Variants in PRKCH observed in about 807,000 individuals in gnomAD.
The protein encoded by PRKCH is protein kinase C eta.
Under a neutral mutation model 82.5 loss-of-function variants are expected in PRKCH, and 28 were observed. The observed-to-expected ratio is 0.34, with a 90% confidence interval of 0.25 to 0.47. PRKCH has a LOEUF of 0.47. Ranked by LOEUF, PRKCH falls within the 20% of genes least tolerant of loss-of-function variation. PRKCH has a pLI of 1.00. For synonymous variants in PRKCH, 322 were observed against 327.4 expected (o/e 0.98, Z 0.18); for missense variants, 705 against 881.8 (o/e 0.80, Z 2.54).
upstream of PRKCH, among the ~76,000 whole-genome samples, chr14:61,318,100 A>G (rs1330057762): frequency 6.6e-6 from 1 of 150,984 alleles, no homozygotes; most frequent in African/African-American, 2.4e-5. Flanking sequence ...TTGAGACAGG[A>G]TCTCACTCTG....
At chr14:61,199,977 T>C (rs2044468009) in intron 1 of PRKCH, among the ~76,000 whole-genome samples, 2 of 152,212 alleles carry the variant, frequency 1.3e-5, no homozygotes, top group Admixed American at 1.3e-4. Flanking sequence ...ACAGAAATAT[T>C]CCTTCCTCTT....
intron 2 of PRKCH, among the ~76,000 whole-genome samples, chr14:61,437,532 C>T (rs1361248143): frequency 2.6e-5 from 4 of 152,186 alleles, no homozygotes; most frequent in Admixed American, 6.5e-5. Context: ...CAATAGTCAA[C>T]GGAGTCTGGT....
chr14:61,265,109 T>C (rs1269210221), intron 1 of PRKCH, among the ~76,000 whole-genome samples: 2 of 152,160 alleles, frequency 1.3e-5, no homozygotes, highest in Non-Finnish European at 2.9e-5. Context: ...CATAACCTTT[T>C]TCAAATTCTC....
chr14:61,247,744 A>AAT (rs1362216928), intron 1 of PRKCH, among the ~76,000 whole-genome samples: 2 of 150,168 alleles, frequency 1.3e-5, no homozygotes. Context: ...TCAAAAAAAA[A>AAT]AAAAAAAAAA....
chr14:61,292,402 A>T (rs1426395200), intron 1 of PRKCH, among the ~76,000 whole-genome samples: 1 of 152,068 alleles, frequency 6.6e-6, no homozygotes, highest in Non-Finnish European at 1.5e-5. Flanking sequence ...GGATTGCTTG[A>T]GCCCAGGAAG....
At chr14:61,439,793 G>A (rs1436490300) in intron 2 of PRKCH, among the ~76,000 whole-genome samples, 1 of 152,188 alleles carries the variant, frequency 6.6e-6, no homozygotes, top group Non-Finnish European at 1.5e-5. Context: ...TTAGGAAGGT[G>A]AAAAGGCAGG....
chr14:61,387,063 G>C (rs569277432), intron 1 of PRKCH, among the ~76,000 whole-genome samples: 1 of 152,334 alleles, frequency 6.6e-6, no homozygotes, highest in African/African-American at 2.4e-5. Context: ...TCAGTGGGGG[G>C]ACAACACAGG....
At chr14:61,210,449 A>G (rs2044565710) in intron 1 of PRKCH, among the ~76,000 whole-genome samples, 1 of 152,050 alleles carries the variant, frequency 6.6e-6, no homozygotes, top group Admixed American at 6.5e-5. Context: ...CCTTTCCCCA[A>G]CTTTACCTGA....
At chr14:61,413,319 A>C (rs1327749501) in intron 2 of PRKCH, among the ~76,000 whole-genome samples, 1 of 144,384 alleles carries the variant, frequency 6.9e-6, no homozygotes, top group Non-Finnish European at 1.5e-5. Context: ...CTTGGCCTCT[A>C]TTCTGAGTGG....
Position 61,506,047 on chromosome 14 carries a change from T to C in PRKCH, c.1433+20391T>C, listed in dbSNP as rs552926185. 1.2e-3 allele frequency among the ~76,000 whole-genome samples: 182 copies of C among 152,220 alleles called. 1 individual carries two copies. The highest frequency in any genetic ancestry group is 0.012 in the Admixed American group (180 of 15,296). On this transcript the variant is annotated intron_variant, in intron 10 of 13. Coordinates refer to ENST00000332981, the MANE Select transcript of PRKCH (RefSeq NM_006255.5). ...TTTTTCCAGAGTCCCCAAGGTATACTTTAGTTCCACATCAATGCCTACCAG... is the reference window on the plus strand; with the variant it reads ...TTTTTCCAGAGTCCCCAAGGTATACCTTAGTTCCACATCAATGCCTACCAG...
intron 1 of PRKCH, among the ~76,000 whole-genome samples, chr14:61,209,236 T>C (rs1236702306): frequency 1.3e-5 from 2 of 151,916 alleles, no homozygotes; most frequent in Non-Finnish European, 2.9e-5. Context: ...AATGAATTTT[T>C]TTTCTTTATA....
chr14:61,383,301 A>G lies in PRKCH; in HGVS notation c.364-7924A>G, dbSNP rs555218157. Among the ~76,000 whole-genome samples the G allele has an allele frequency of 1.7e-3, 257 of 152,204 alleles. 6 individuals are homozygous for G. The highest frequency in any genetic ancestry group is 0.01 in the Middle Eastern group (3 of 294). ...GAAATTGAGGTGGTCAGATGACCTT[A>G]TTTAGCTCTTAGATCAACTCAGCAG... is the stretch of plus-strand genomic sequence containing the variant. On this transcript the variant is annotated intron_variant, in intron 1 of 13. Coordinates refer to ENST00000332981, the MANE Select transcript of PRKCH (RefSeq NM_006255.5).
Position 61,280,881 on chromosome 14 carries a change from C to T in PRKCH, c.-19+93213C>T. The T allele has an allele frequency of 6.4e-7, 1 of 1,553,642 alleles. No homozygotes were observed. The highest frequency in any genetic ancestry group is 8.6e-7 in the Non-Finnish European group (1 of 1,156,948). ...AGTACCAGGCGCACGAGCAGGGGGG[C>T]GGCAGCGCCCGGCCCTGGCCAGCCG... On this transcript the variant is annotated intron_variant, in intron 1 of 3. Coordinates refer to the PRKCH transcript ENST00000555185. The surrounding 1 kb of genome is among the most constrained non-coding windows in gnomAD (Gnocchi z 5.0).
intron 1 of PRKCH, among the ~76,000 whole-genome samples, chr14:61,349,322 A>G (rs2046039977): frequency 6.6e-6 from 1 of 152,144 alleles, no homozygotes; most frequent in Admixed American, 6.5e-5. Flanking sequence ...CCAATCCTTA[A>G]CATTTGTTAT....
intron 1 of PRKCH, among the ~76,000 whole-genome samples, chr14:61,243,363 G>A (rs1409815656): frequency 2.9e-5 from 4 of 135,994 alleles, no homozygotes; most frequent in Admixed American, 7.8e-5. Context: ...GAGCCTGGGC[G>A]ACAGAGAAAG....
At chr14:61,420,592 ACT>A (rs750044314) in intron 2 of PRKCH, among the ~76,000 whole-genome samples, 41 of 151,734 alleles carry the variant, frequency 2.7e-4, no homozygotes, top group Non-Finnish European at 4.7e-4. Flanking sequence ...TAGCTAAAGG[ACT>A]CTCTCTGTGT....
intron 10 of PRKCH, among the ~76,000 whole-genome samples, chr14:61,493,252 G>A (rs1365511937): frequency 6.6e-6 from 1 of 152,220 alleles, no homozygotes; most frequent in Non-Finnish European, 1.5e-5. Context: ...CGCCATGGAA[G>A]CTCCGTGGAG....
At chr14:61,428,076 T>TATATACAC (rs377250538) in intron 2 of PRKCH, among the ~76,000 whole-genome samples, 1 of 126,206 alleles carries the variant, frequency 7.9e-6, no homozygotes, top group Admixed American at 8.0e-5. Flanking sequence ...GATAGATAGA[T>TATATACAC]ACACACACAC....
At position 61,549,814 on chromosome 14, in the gene PRKCH, C is replaced by G. The variant is rs2043304468; in HGVS notation, c.2035C>G (p.Pro679Ala). 5 of 1,614,000 alleles carry G rather than the reference C, an allele frequency of 3.1e-6. No individual in the cohort carries two copies. In the East Asian group the frequency reaches 8.9e-5, roughly 29 times the overall value. ...GTTTAGAAACTTTTCCTATGTGTCT[C>G]CAGAATTGCAACCATAGCCTTATGG... ...DEFRNFSYVS[P>A]ELQP Residue 679 changes from proline (P) to alanine (A), a missense_variant, in exon 14 of 14, where the codon CCA becomes GCA. This residue lies in a region of PRKCH where 91 missense variants were observed against 81.2 expected (regional missense o/e 1.12). Transcript: ENST00000332981.
Sources: allele counts gnomAD v4.1 joint callset (sites outside exome capture counted in the v4.1 genomes callset), GRCh38; gene constraint gnomAD v4.1.1; regional missense constraint gnomAD v4.1.1; non-coding constraint Gnocchi (gnomAD v3.1); transcripts MANE v1.5; gene names NCBI Gene and HGNC (gene_info 2026-07-23, HGNC 2026-07-21).